The following CEP112 variants were observed in gnomAD, a reference collection of about 807,000 sequenced individuals.
The protein encoded by CEP112 is centrosomal protein 112.
In CEP112, 127 loss-of-function variants were observed where a neutral mutation model predicts 153.0. The ratio of observed to expected loss-of-function variants is 0.83; its 90% confidence interval spans 0.72 to 0.96. The LOEUF is 0.96. CEP112 is among the 40% of genes least tolerant of loss of function. The probability of loss-of-function intolerance (pLI) is 0.00; values close to 1 mark genes in which losing one functional copy is unlikely to be tolerated. For missense variants in CEP112, 1,089 were observed against 1,101.2 expected, an observed-to-expected ratio of 0.99 and a Z score of 0.16; for synonymous variants, 358 against 374.4, an observed-to-expected ratio of 0.96 and a Z score of 0.51.
At chr17:65,746,076 A>G (rs2051432435) in intron 22 of CEP112, among the ~76,000 whole-genome samples, 1 of 149,312 alleles carries the variant, frequency 6.7e-6, no homozygotes, top group South Asian at 2.1e-4. Context: ...GAGGCTGGAG[A>G]ATCACTTGAA....
At chr17:65,832,200 G>A (rs1399490196) in intron 21 of CEP112, among the ~76,000 whole-genome samples, 1 of 151,936 alleles carries the variant, frequency 6.6e-6, no homozygotes, top group Non-Finnish European at 1.5e-5. Flanking sequence ...CAGTGTTAAG[G>A]GGGAAATTAT....
chr17:65,779,028 G>C (rs571115716), intron 21 of CEP112, among the ~76,000 whole-genome samples: 1 of 151,598 alleles, frequency 6.6e-6, no homozygotes, highest in African/African-American at 2.4e-5. Context: ...TTTTTGTCTT[G>C]GTAAACAATT....
In CEP112 at chr17:66,057,241, G is replaced by T. The variant is rs1326290007; in HGVS notation, c.1075-3362C>A. Among the ~76,000 whole-genome samples, 5 of 152,182 alleles carry T rather than the reference G, an allele frequency of 3.3e-5. No individual in the cohort carries two copies. In the South Asian group the frequency reaches 1.0e-3, roughly 32 times the overall value. On this transcript the variant is annotated intron_variant, in intron 11 of 26. Transcript: ENST00000535342. ...AGAGACAGGGGTCTCCTGAACTAAGGAAGGAAGAGTGGTAGATACATTCAA... is the reference window on the plus strand; with the variant it reads ...AGAGACAGGGGTCTCCTGAACTAAGTAAGGAAGAGTGGTAGATACATTCAA...
At chr17:66,093,810 C>A (rs927156015) in intron 8 of CEP112, among the ~76,000 whole-genome samples, 1 of 152,006 alleles carries the variant, frequency 6.6e-6, no homozygotes, top group Non-Finnish European at 1.5e-5. Context: ...GCATTTTTCA[C>A]AGATATAAAG....
chr17:66,112,300 A>T (rs973534685), intron 6 of CEP112, among the ~76,000 whole-genome samples: 3 of 152,034 alleles, frequency 2.0e-5, no homozygotes, highest in East Asian at 1.9e-4. Context: ...TCAAAAAAAT[A>T]AAAAAATTAA....
chr17:65,940,754 G>A (rs1297912194), intron 18 of CEP112, among the ~76,000 whole-genome samples: 1 of 152,076 alleles, frequency 6.6e-6, no homozygotes, highest in Non-Finnish European at 1.5e-5. Context: ...AAGGGAATTG[G>A]GAGATACTGT....
At chr17:66,168,062 CA>C (rs1304087475) in intron 4 of CEP112, among the ~76,000 whole-genome samples, 2 of 152,088 alleles carry the variant, frequency 1.3e-5, no homozygotes, top group Non-Finnish European at 2.9e-5. Context: ...TGTGTATGCA[CA>C]AACATTTTAA....
At chr17:66,180,870 G>A (rs535137660) in intron 2 of CEP112, among the ~76,000 whole-genome samples, 22 of 152,060 alleles carry the variant, frequency 1.4e-4, no homozygotes, top group African/African-American at 2.7e-4. Context: ...CACTAAGACC[G>A]GATTTACTAT....
intron 18 of CEP112, among the ~76,000 whole-genome samples, chr17:65,937,510 C>G (rs1376699795): frequency 6.5e-5 from 8 of 122,856 alleles, no homozygotes; most frequent in African/African-American, 8.4e-5. Context: ...GCAACCGCCC[C>G]GTCTGAGAAG....
chr17:66,053,106 C>T (rs1464522728), intron 12 of CEP112, among the ~76,000 whole-genome samples: 1 of 16,244 alleles, frequency 6.2e-5, no homozygotes, highest in Non-Finnish European at 1.5e-4. Context: ...GACCCTGTCT[C>T]AAAGGAAAAA....
chr17:65,720,532 A>AAGAC (rs1379595294), intron 23 of CEP112, among the ~76,000 whole-genome samples: 1 of 152,210 alleles, frequency 6.6e-6, no homozygotes. Context: ...CAAGCTGGTA[A>AAGAC]AGACAGAGGC....
At chr17:65,832,535 C>T (rs1305002343) in intron 21 of CEP112, among the ~76,000 whole-genome samples, 2 of 151,980 alleles carry the variant, frequency 1.3e-5, no homozygotes, top group African/African-American at 4.8e-5. Flanking sequence ...CCACTGACCC[C>T]ACAGAAATAA....
chr17:65,743,370 A>G (rs550336830), intron 22 of CEP112, among the ~76,000 whole-genome samples, 153 bp from the exon 23 acceptor site: 1 of 152,364 alleles, frequency 6.6e-6, no homozygotes, highest in African/African-American at 2.4e-5. Flanking sequence ...ATAATGCATG[A>G]AATACCACAC....
At position 66,176,780 on chromosome 17, in the gene CEP112, G is replaced by A. The variant is rs192545432; in HGVS notation, c.297+50C>T. On this transcript the variant is annotated intron_variant, in intron 3 of 26. Transcript: ENST00000535342. ...TTCCCCAAAGGGATGATAACTTGAC[G>A]CTTTTTTTTAAATGAAACTAATATA... The A allele has an allele frequency of 3.7e-3, 5,199 of 1,390,078 alleles. 15 individuals carry two copies. The highest frequency in any genetic ancestry group is 5.9e-3 in the South Asian group (403 of 68,620). The allele number at this position is 1,390,078 out of a possible 1,614,324, so 86.1% of individuals were successfully genotyped here. A position where few individuals can be genotyped will look rare whatever the true frequency, so the allele number is the denominator to read the frequency against.
chr17:65,651,030 A>T (rs184723493), intron 24 of CEP112, among the ~76,000 whole-genome samples: 1 of 151,970 alleles, frequency 6.6e-6, no homozygotes, highest in Non-Finnish European at 1.5e-5. Flanking sequence ...TTTGGTGCAA[A>T]CCATCACCTG....
intron 23 of CEP112, among the ~76,000 whole-genome samples, chr17:65,714,347 C>T (rs187845776): frequency 6.6e-6 from 1 of 152,228 alleles, no homozygotes; most frequent in East Asian, 1.9e-4. Flanking sequence ...GATAACCCAA[C>T]TGATCAAAAT....
At chr17:66,050,994 A>G (rs1057187715) in intron 12 of CEP112, among the ~76,000 whole-genome samples, 1 of 151,870 alleles carries the variant, frequency 6.6e-6, no homozygotes, top group Non-Finnish European at 1.5e-5. Context: ...AAATGTGTTA[A>G]TTTTTTCTTT....
At chr17:65,933,409 CAAAG>C (rs750092144) in intron 18 of CEP112, among the ~76,000 whole-genome samples, 12 of 152,116 alleles carry the variant, frequency 7.9e-5, no homozygotes, top group African/African-American at 1.2e-4. Flanking sequence ...AAATCAAAAA[CAAAG>C]AAAGAATTCT....
chr17:65,664,369 T>C (rs1404237352), intron 24 of CEP112, among the ~76,000 whole-genome samples: 2 of 152,168 alleles, frequency 1.3e-5, no homozygotes, highest in Non-Finnish European at 2.9e-5. Context: ...TATTGGATAG[T>C]CCATTAATTA....
Sources: allele counts gnomAD v4.1 joint callset (sites outside exome capture counted in the v4.1 genomes callset), GRCh38; gene constraint gnomAD v4.1.1; transcripts MANE v1.5; gene names NCBI Gene and HGNC (gene_info 2026-07-23, HGNC 2026-07-21).